CDK14: variants seen among roughly 807,000 people sequenced by gnomAD.
CDK14 encodes the protein cyclin-dependent kinase 14.
A neutral mutation model predicts 60.7 loss-of-function variants in CDK14; 34 were observed. The ratio of observed to expected loss-of-function variants is 0.56; its 90% CI spans 0.43 to 0.75. The LOEUF (loss-of-function observed/expected upper bound fraction) is 0.75, where lower values mean the gene tolerates loss of function less well. CDK14 is among the 30% of genes least tolerant of loss of function. The pLI, the probability that CDK14 is intolerant of heterozygous loss-of-function variation, is 0.00. For synonymous variants in CDK14, 197 were observed against 203.7 expected (o/e 0.97, Z 0.28); for missense variants, 482 against 564.1 (o/e 0.85, Z 1.47).
intron 14 of CDK14, among the ~76,000 whole-genome samples, chr7:91,179,525 C>T (rs531496525): frequency 1.1e-4 from 16 of 151,932 alleles, no homozygotes; most frequent in South Asian, 2.1e-4. Flanking sequence ...AAATGCAGCC[C>T]GGCGCAGTGA....
chr7:90,927,635 G>T (rs894546161), intron 8 of CDK14, among the ~76,000 whole-genome samples: 1 of 152,116 alleles, frequency 6.6e-6, no homozygotes, highest in Non-Finnish European at 1.5e-5. Context: ...GTAGGGTGCC[G>T]ATTCTGCAGC....
intron 11 of CDK14, among the ~76,000 whole-genome samples, chr7:91,057,748 C>T (rs962202257): frequency 6.6e-6 from 1 of 152,132 alleles, no homozygotes; most frequent in African/African-American, 2.4e-5. Flanking sequence ...GGGCTCTGTT[C>T]TGTTCCATTG....
At chr7:91,204,698 C>G (rs1802830841) in intron 14 of CDK14, among the ~76,000 whole-genome samples, 2 of 152,208 alleles carry the variant, frequency 1.3e-5, no homozygotes, top group Admixed American at 6.5e-5. Context: ...CCTGTAATCC[C>G]AGCACTTTGG....
At chr7:90,680,048 A>G (rs1363263702) in intron 2 of CDK14, among the ~76,000 whole-genome samples, 2 of 151,900 alleles carry the variant, frequency 1.3e-5, no homozygotes, top group African/African-American at 4.8e-5. Flanking sequence ...TTTTGTTTAT[A>G]TATAAATAGA....
At chr7:90,614,886 C>T (rs1044756217) in intron 2 of CDK14, among the ~76,000 whole-genome samples, 1 of 151,622 alleles carries the variant, frequency 6.6e-6, no homozygotes, top group African/African-American at 2.4e-5. Flanking sequence ...CTGGGTGTTC[C>T]ACGAGCATCC....
intron 5 of CDK14, among the ~76,000 whole-genome samples, chr7:90,811,376 C>G (rs1789104066): frequency 6.6e-6 from 1 of 152,134 alleles, no homozygotes; most frequent in Admixed American, 6.6e-5. Flanking sequence ...AAAGGATTCC[C>G]TATTTAATAA....
chr7:91,085,740 A>G (rs1442431319), intron 12 of CDK14, among the ~76,000 whole-genome samples: 1 of 152,214 alleles, frequency 6.6e-6, no homozygotes, highest in East Asian at 1.9e-4. Flanking sequence ...GGTAACAGGC[A>G]TAGGCTTCTG....
At chr7:91,149,001 A>G (rs538807888) in intron 14 of CDK14, among the ~76,000 whole-genome samples, 1 of 152,298 alleles carries the variant, frequency 6.6e-6, no homozygotes, top group African/African-American at 2.4e-5. Context: ...CGGATGGACC[A>G]GTAGTCCTGG....
chr7:91,048,183 A>G (rs1376372122), intron 11 of CDK14, among the ~76,000 whole-genome samples: 4 of 152,136 alleles, frequency 2.6e-5, no homozygotes, highest in African/African-American at 9.7e-5. Flanking sequence ...TGACCCCACC[A>G]CAGGCCCTCA....
intron 2 of CDK14, among the ~76,000 whole-genome samples, chr7:90,665,173 T>C (rs890767151): frequency 1.3e-5 from 2 of 151,746 alleles, no homozygotes; most frequent in African/African-American, 4.8e-5. Flanking sequence ...TAGTCCCAGC[T>C]ACTCGGGAGG....
intron 8 of CDK14, among the ~76,000 whole-genome samples, chr7:90,944,790 G>A (rs544930554): frequency 6.6e-6 from 1 of 152,238 alleles, no homozygotes; most frequent in Non-Finnish European, 1.5e-5. Context: ...ACCTGTGTGG[G>A]GCAGGTGGCA....
rs1171450340 is a variant in CDK14 at position 91,118,100 on chromosome 7, C to A, written c.1330C>A (p.Gln444Lys). The change falls in exon 14 of 15, where the codon CAA becomes AAA. Residue 444 changes from glutamine to lysine, a missense_variant. Gln to Lys is a moderately conservative substitution (Grantham distance 53). Transcript: ENST00000380050. Reference protein sequence around the residue: ...SIFTVPNVRLQPEAGESMRAF... With the variant: ...SIFTVPNVRLKPEAGESMRAF... ...TTTTACTGTCCCAAATGTGAGATTG[C>A]AACCAGAAGCTGGAGAAAGCATGCG... 2 of 1,613,194 alleles carry A rather than the reference C, an allele frequency of 1.2e-6. No homozygotes were observed. The highest frequency in any genetic ancestry group is 3.3e-5 in the Admixed American group (2 of 59,974).
intron 12 of CDK14, among the ~76,000 whole-genome samples, chr7:91,108,861 A>G (rs971954671): frequency 2.0e-5 from 3 of 152,214 alleles, no homozygotes; most frequent in Non-Finnish European, 4.4e-5. Flanking sequence ...AAAAGTCTTA[A>G]AGTTAATTTA....
intron 5 of CDK14, among the ~76,000 whole-genome samples, chr7:90,821,638 A>G (rs1363321694): frequency 6.6e-6 from 1 of 152,210 alleles, no homozygotes; most frequent in Non-Finnish European, 1.5e-5. Flanking sequence ...TGTTGGCACC[A>G]AAGAGGGCTG....
At chr7:90,684,148 ATTG>A (rs1801382486) in intron 2 of CDK14, among the ~76,000 whole-genome samples, 1 of 152,206 alleles carries the variant, frequency 6.6e-6, no homozygotes, top group Non-Finnish European at 1.5e-5. Flanking sequence ...TACTTTCAGA[ATTG>A]TTGTGCTGTA....
chr7:90,638,499 C>A (rs191099724), intron 2 of CDK14, among the ~76,000 whole-genome samples: 1 of 152,180 alleles, frequency 6.6e-6, no homozygotes, highest in Non-Finnish European at 1.5e-5. Flanking sequence ...CCGAGAGATC[C>A]GCTGTTAGTC....
At chr7:91,150,559 A>T (rs1442838477) in intron 14 of CDK14, among the ~76,000 whole-genome samples, 1 of 152,228 alleles carries the variant, frequency 6.6e-6, no homozygotes, top group Non-Finnish European at 1.5e-5. Context: ...AAATTTATAC[A>T]AGTTTTTAAA....
At chr7:91,047,848 TC>T (rs1399301162) in intron 11 of CDK14, among the ~76,000 whole-genome samples, 1 of 152,052 alleles carries the variant, frequency 6.6e-6, no homozygotes, top group Non-Finnish European at 1.5e-5. Flanking sequence ...AATTTCCAAG[TC>T]CTTCCAAGCA....
chr7:90,697,716 ATATC>A (rs1203336735), intron 2 of CDK14, among the ~76,000 whole-genome samples: 1 of 152,188 alleles, frequency 6.6e-6, no homozygotes, highest in Non-Finnish European at 1.5e-5. Flanking sequence ...TTCTTGTAGA[ATATC>A]TAAATAGTAT....
Sources: gnomAD v4.1 joint callset for allele counts (sites outside exome capture counted in the v4.1 genomes callset) on GRCh38, gnomAD v4.1.1 for gene constraint, MANE v1.5 for transcripts, NCBI Gene and HGNC (gene_info 2026-07-23, HGNC 2026-07-21) for gene names.